The following FARSB variants were observed in gnomAD, a reference collection of about 807,000 sequenced individuals.
The protein encoded by FARSB is phenylalanyl-tRNA synthetase subunit beta, also known as phenylalanine--tRNA ligase beta subunit.
A neutral mutation model predicts 69.6 loss-of-function variants in FARSB; 40 were observed. The observed-to-expected ratio is 0.57, with a 90% CI of 0.45 to 0.75. The LOEUF (loss-of-function observed/expected upper bound fraction) is 0.75. FARSB is among the 30% of genes least tolerant of loss of function. The pLI is 0.00. For synonymous variants in FARSB, 235 were observed against 247.2 expected, an observed-to-expected ratio of 0.95 and a Z score of 0.46; for missense variants, 632 against 722.9, an observed-to-expected ratio of 0.87 and a Z score of 1.44.
intron 5 of FARSB, among the ~76,000 whole-genome samples, chr2:222,638,029 G>T (rs763790821): frequency 1.4e-4 from 21 of 151,792 alleles, no homozygotes; most frequent in Non-Finnish European, 2.5e-4. Flanking sequence ...TAAACCTCTA[G>T]CCACACTGAT....
intron 1 of FARSB, among the ~76,000 whole-genome samples, 198 bp downstream of exon 1, chr2:222,655,818 G>A (rs753850559): frequency 1.3e-5 from 2 of 152,292 alleles, no homozygotes; most frequent in Non-Finnish European, 2.9e-5. Flanking sequence ...GGCACAAGCA[G>A]TGGCACCGCT....
chr2:222,633,387 A>T (rs1166079974), intron 6 of FARSB, 80 bp from the exon 7 acceptor site: 21 of 695,552 alleles, frequency 3.0e-5, no homozygotes, highest in Non-Finnish European at 1.2e-5. Flanking sequence ...ACCTAATATT[A>T]AAAAAGAAGA....
chr2:222,603,665 A>T lies in FARSB; in HGVS notation c.1463-3582T>A, dbSNP rs183676569. On this transcript the variant is annotated intron_variant, in intron 15 of 16. Coordinates refer to ENST00000281828, the MANE Select transcript of FARSB (RefSeq NM_005687.5). ...AATACGATTAATTATATTATTATTAATATAATTAATATTATATTATATATT... is the reference window on the plus strand; with the variant it reads ...AATACGATTAATTATATTATTATTATTATAATTAATATTATATTATATATT... Among the ~76,000 whole-genome samples the T allele has an allele frequency of 1.5e-3, 204 of 136,306 alleles. 1 individual carries two copies. Among genetic ancestry groups the T allele is most frequent in the Admixed American group, 0.013 (176 of 13,244 alleles). The allele number at this position is 136,306 out of a possible 152,430, so 89.4% of individuals were successfully genotyped here. A position where few individuals can be genotyped will look rare whatever the true frequency, so the allele number is the denominator to read the frequency against.
intron 13 of FARSB, among the ~76,000 whole-genome samples, chr2:222,623,409 T>C (rs1172092911): frequency 6.6e-6 from 1 of 152,214 alleles, no homozygotes; most frequent in African/African-American, 2.4e-5. Context: ...TAAAATACTT[T>C]GTCATCTCTC....
chr2:222,577,130 G>C (rs1559187273), intron 16 of FARSB, among the ~76,000 whole-genome samples: 1 of 152,162 alleles, frequency 6.6e-6, no homozygotes, highest in Non-Finnish European at 1.5e-5. Flanking sequence ...AATCATTATT[G>C]AGATATAAAA....
At chr2:222,579,391 G>A (rs12694581) in intron 16 of FARSB, among the ~76,000 whole-genome samples, 46,007 of 152,068 alleles carry the variant, frequency 0.3, 7,647 homozygotes, top group Non-Finnish European at 0.38. Flanking sequence ...ACCCAAGTAG[G>A]GTCTGTAATA....
intron 16 of FARSB, among the ~76,000 whole-genome samples, chr2:222,593,495 G>A (rs80334212): frequency 0.15 from 22,101 of 152,202 alleles, 2,551 homozygotes; most frequent in East Asian, 0.56. Flanking sequence ...GAGCTTTTGT[G>A]TGTAGCTTAG....
intron 1 of FARSB, 60 bp downstream of exon 1, chr2:222,655,956 G>T: frequency 7.4e-7 from 1 of 1,356,080 alleles, no homozygotes; most frequent in Non-Finnish European, 1.0e-6. Context: ...TTGCCCTTTT[G>T]GAGGGAGGCC....
At chr2:222,616,528 A>G (rs147735173) in intron 14 of FARSB, among the ~76,000 whole-genome samples, 6,070 of 129,534 alleles carry the variant, frequency 0.047, 209 homozygotes, top group African/African-American at 0.11. Flanking sequence ...GCCTGGCAAC[A>G]GAGTGAGACT....
At chr2:222,586,104 C>T (rs1396858797) in intron 16 of FARSB, among the ~76,000 whole-genome samples, 1 of 152,150 alleles carries the variant, frequency 6.6e-6, no homozygotes, top group African/African-American at 2.4e-5. Context: ...ATGTTAAGGG[C>T]AGCCAGAAAG....
At chr2:222,650,458 G>A (rs917485431) in intron 1 of FARSB, among the ~76,000 whole-genome samples, 1 of 152,140 alleles carries the variant, frequency 6.6e-6, no homozygotes, top group Admixed American at 6.5e-5. Context: ...GCAAGAATGA[G>A]GAAGAAGGGA....
intron 14 of FARSB, among the ~76,000 whole-genome samples, chr2:222,615,267 T>C (rs1258874149): frequency 6.6e-6 from 1 of 152,212 alleles, no homozygotes; most frequent in African/African-American, 2.4e-5. Flanking sequence ...TATTATCTTT[T>C]CCCCAGACTA....
chr2:222,594,274 A>G (rs1690355558), intron 16 of FARSB, among the ~76,000 whole-genome samples: 2 of 152,028 alleles, frequency 1.3e-5, no homozygotes, highest in South Asian at 2.1e-4. Flanking sequence ...TTTTGCTAAA[A>G]TAAGTTTTGA....
rs1391596274 is a variant in FARSB at position 222,570,016 on chromosome 2, T to C, written c.*1855A>G. On this transcript the variant is annotated 3_prime_UTR_variant, in exon 17 of 17. Coordinates refer to ENST00000281828, the MANE Select transcript of FARSB (RefSeq NM_005687.5). ...TACATTGTGACTCACCAGCAGTGCA[T>C]GAAAGTTCCACTTGCTCCAGTCTCA... 2.0e-5 allele frequency among the ~76,000 whole-genome samples: 3 copies of C among 152,182 alleles called. No homozygotes were observed. Among genetic ancestry groups the C allele is most frequent in the African/African-American group, 7.2e-5 (3 of 41,446 alleles).
intron 14 of FARSB, among the ~76,000 whole-genome samples, chr2:222,616,670 T>G (rs1455230336): frequency 6.6e-6 from 1 of 152,150 alleles, no homozygotes; most frequent in African/African-American, 2.4e-5. Context: ...AGTTTGTTTA[T>G]TGTCACTATA....
At chr2:222,595,294 A>G (rs546472289) in intron 16 of FARSB, among the ~76,000 whole-genome samples, 3 of 152,312 alleles carry the variant, frequency 2.0e-5, no homozygotes, top group East Asian at 1.9e-4. Context: ...TTTTTCTCAT[A>G]TATTTCCAAG....
Position 222,639,587 on chromosome 2 carries a change from T to G in FARSB, c.448A>C (p.Ile150Leu), listed in dbSNP as rs755763296. The G allele has an allele frequency of 3.3e-6, 5 of 1,532,358 alleles. No homozygotes were observed. The highest frequency in any genetic ancestry group is 3.5e-5 in the Admixed American group (2 of 56,810). The allele number at this position is 1,532,358 out of a possible 1,614,324, so 94.9% of individuals were successfully genotyped here. A position where few individuals can be genotyped will look rare whatever the true frequency, so the allele number is the denominator to read the frequency against. ...IELQEKLHQN[I>L]CRKRALVAIG... is the part of the protein sequence containing the mutation. ...GAAAATGCAACCACAAACCTGCAAA[T>G]ATTCTGATGTAATTTCTCCTGAAGT... The change falls in exon 5 of 17, where the codon ATT becomes CTT. Residue 150 changes from isoleucine to leucine, a missense_variant. Coordinates refer to ENST00000281828, the MANE Select transcript of FARSB (RefSeq NM_005687.5).
intron 14 of FARSB, among the ~76,000 whole-genome samples, chr2:222,616,347 G>A (rs946987015): frequency 6.6e-6 from 1 of 152,098 alleles, no homozygotes; most frequent in Non-Finnish European, 1.5e-5. Flanking sequence ...AGGAGATTGA[G>A]ACCATCCTGG....
chr2:222,585,749 T>C (rs1299781050), intron 16 of FARSB, among the ~76,000 whole-genome samples: 1 of 152,068 alleles, frequency 6.6e-6, no homozygotes, highest in East Asian at 1.9e-4. Flanking sequence ...GCTGATTGGA[T>C]CAAGGGGAAG....
Sources: allele counts gnomAD v4.1 joint callset (sites outside exome capture counted in the v4.1 genomes callset), GRCh38; gene constraint gnomAD v4.1.1; transcripts MANE v1.5; gene names NCBI Gene and HGNC (gene_info 2026-07-23, HGNC 2026-07-21).